C3: variants seen among roughly 807,000 people sequenced by gnomAD.
C3 encodes complement C3, also known as C3 and PZP-like alpha-2-macroglobulin domain-containing protein 1.
C3 carries 97 observed loss-of-function variants against 207.9 expected under a neutral mutation model. The observed-to-expected ratio is 0.47, with a 90% confidence interval of 0.40 to 0.55. The LOEUF is 0.55. Among genes scored for constraint, C3 ranks in the 20% least tolerant of loss-of-function variants. C3 has a pLI of 0.00. For missense variants in C3, 1,684 were observed against 2,171.7 expected (o/e 0.78, Z 4.46); for synonymous variants, 848 against 857.6 (o/e 0.99, Z 0.20).
chr19:6,713,135 T>C, intron 9 of C3, 54 bp downstream of exon 9: 2 of 1,608,764 alleles, frequency 1.2e-6, no homozygotes, highest in South Asian at 1.1e-5. Context: ...TGGTCTCCCC[T>C]CTCAGACCGG....
At position 6,681,973 on chromosome 19, in the gene C3, CGGAGA is replaced by C; in HGVS notation, c.4313_4317del (p.Phe1438Ter). On this transcript the variant is annotated frameshift_variant, in exon 35 of 41. Transcript: ENST00000245907. LOFTEE classifies it high-confidence loss of function. ...AGGTAGATGATGAGGGTGTTCCTAT[CGGAGA>C]AGGCTTTGTCCAGCTCATACTTGGA... 6.2e-7 allele frequency: 1 copy of C among 1,614,064 alleles called. No homozygotes were observed. The highest frequency in any genetic ancestry group is 8.5e-7 in the Non-Finnish European group (1 of 1,179,954).
At chr19:6,697,061 T>TAAAAAAAA (rs1344751717) in intron 21 of C3, among the ~76,000 whole-genome samples, 2 of 76,536 alleles carry the variant, frequency 2.6e-5, no homozygotes, top group Non-Finnish European at 5.2e-5. Flanking sequence ...AACAAACAAA[T>TAAAAAAAA]AAATAAATAA....
chr19:6,705,258 C>T (rs1967749211), intron 17 of C3, among the ~76,000 whole-genome samples: 1 of 152,152 alleles, frequency 6.6e-6, no homozygotes, highest in South Asian at 2.1e-4. Context: ...CCCAGTGACC[C>T]TCACACTATC....
chr19:6,701,285 C>A (rs1967667490), intron 19 of C3, among the ~76,000 whole-genome samples: 1 of 152,134 alleles, frequency 6.6e-6, no homozygotes, highest in Non-Finnish European at 1.5e-5. Context: ...AAAAAACACA[C>A]CTCTGGGTGG....
Position 6,682,013 on chromosome 19 carries a change from G to C in C3, c.4278C>G (p.Asp1426Glu). The change falls in exon 35 of 41, where the codon GAC becomes GAG. Residue 1426 changes from aspartate (D) to glutamate (E), a missense_variant. Physicochemically the swap from Asp to Glu is conservative, Grantham distance 45. This residue lies in a region of C3 where 346 missense variants were observed against 380.1 expected (regional missense o/e 0.91). Coordinates refer to ENST00000245907, the MANE Select transcript of C3 (RefSeq NM_000064.4). The stretch of plus-strand genomic sequence containing the variant: ...CCAGCTCATACTTGGAGATGTATCT[G>C]TCAACACCATTGGCCAGCTGGGGAA... ...DDLKQLANGV[D>E]RYISKYELDK... 1.9e-6 allele frequency: 3 copies of C among 1,614,062 alleles called. No homozygotes were observed. Among genetic ancestry groups the C allele is most frequent in the Non-Finnish European group, 2.5e-6 (3 of 1,179,908 alleles).
chr19:6,718,136 G>C lies in C3; in HGVS notation c.462C>G (p.His154Gln). ...CCGTCCGGCCCACGGGTAGCAGCTT[G>C]TGGTTGACGGTGAAGATCCGATAGA... ...TVLYRIFTVN[H>Q]KLLPVGRTVM... Residue 154 changes from histidine to glutamine, a missense_variant, in exon 4 of 41, where the codon CAC (histidine) becomes CAG (glutamine). This residue lies in a region of C3 where 1,280 missense variants were observed against 1,739.1 expected (regional missense o/e 0.74). Transcript: ENST00000245907. The C allele has an allele frequency of 6.2e-7, 1 of 1,614,184 alleles. No homozygotes were observed. Among genetic ancestry groups the C allele is most frequent in the Non-Finnish European group, 8.5e-7 (1 of 1,180,036 alleles).
chr19:6,679,357 G>T, intron 37 of C3, 50 bp downstream of exon 37: 1 of 1,495,814 alleles, frequency 6.7e-7, no homozygotes. Context: ...GATGACCTGG[G>T]TAAGTGTGGC....
rs560720696 is a variant in C3 at position 6,714,862 on chromosome 19, G to A, written c.505-416C>T. Among the ~76,000 whole-genome samples the A allele has an allele frequency of 2.4e-4, 37 of 151,592 alleles. No homozygotes were observed. The East Asian group carries it at 3.9e-3, about 16-fold the overall frequency. On this transcript the variant is annotated intron_variant, in intron 4 of 40. Transcript: ENST00000245907. ...GGGAGACAGAGTGAGAGTCTGTCTC[G>A]AAAAAAAGAACAAGGACCGGAGTCA...
At chr19:6,687,190 G>C (rs1186419650) in intron 27 of C3, among the ~76,000 whole-genome samples, 1 of 144,354 alleles carries the variant, frequency 6.9e-6, no homozygotes, top group Non-Finnish European at 1.5e-5. Context: ...GGTTTATAAT[G>C]ATTTACAATT....
intron 21 of C3, 132 bp downstream of exon 21, chr19:6,697,212 C>T: frequency 1.3e-6 from 1 of 751,282 alleles, no homozygotes; most frequent in Non-Finnish European, 2.3e-6. Context: ...AATTCTGGGA[C>T]TTCCAAATTT....
intron 7 of C3, 44 bp from the exon 8 acceptor site, chr19:6,713,553 G>A: frequency 7.0e-7 from 1 of 1,429,836 alleles, no homozygotes; most frequent in Middle Eastern, 1.7e-4. Context: ...CCCTCCTGGA[G>A]AATGGGATCT....
chr19:6,720,314 T>C (rs11569396), intron 1 of C3, among the ~76,000 whole-genome samples: 65 of 142,520 alleles, frequency 4.6e-4, no homozygotes, highest in African/African-American at 1.8e-3. Flanking sequence ...TCCAATTCCA[T>C]GATACCTGGA....
At chr19:6,696,142 G>A (rs11569487) in intron 23 of C3, among the ~76,000 whole-genome samples, 2,002 of 151,078 alleles carry the variant, frequency 0.013, 39 homozygotes, top group African/African-American at 0.046. Flanking sequence ...CCCGGGAGGC[G>A]GAGCTTGCAG....
At chr19:6,693,118 TGAG>T in intron 25 of C3, 35 bp from the exon 26 acceptor site, 1 of 1,610,522 alleles carries the variant, frequency 6.2e-7, no homozygotes, top group South Asian at 1.1e-5. Flanking sequence ...CAATCGGCTC[TGAG>T]ATCCAGAGAC....
At chr19:6,709,035 C>T (rs970295945) in intron 14 of C3, among the ~76,000 whole-genome samples, 2 of 152,184 alleles carry the variant, frequency 1.3e-5, no homozygotes, top group Non-Finnish European at 2.9e-5. Context: ...ATCTGCATTC[C>T]CATCCTCACT....
At chr19:6,710,561 GA>G in intron 13 of C3, 77 bp downstream of exon 13, 1 of 1,100,458 alleles carries the variant, frequency 9.1e-7, no homozygotes, top group Non-Finnish European at 1.4e-6. Flanking sequence ...GAGAGAGAGA[GA>G]GAGGAGACAG....
At chr19:6,708,599 A>ACTCC (rs533177377) in intron 14 of C3, among the ~76,000 whole-genome samples, 39 of 74,982 alleles carry the variant, frequency 5.2e-4, no homozygotes, top group African/African-American at 1.9e-3. Context: ...TTCATTCTTC[A>ACTCC]CTCCCTCCCT....
chr19:6,697,870 T>G, intron 19 of C3, 76 bp from the exon 20 acceptor site: 2 of 1,461,646 alleles, frequency 1.4e-6, no homozygotes, highest in Non-Finnish European at 1.9e-6. Context: ...TCTCAGCTCT[T>G]AGTCCACTCC....
intron 21 of C3, 97 bp downstream of exon 21, chr19:6,697,247 A>G (rs1967558222): frequency 1.1e-6 from 1 of 891,016 alleles, no homozygotes; most frequent in African/African-American, 1.6e-5. Flanking sequence ...TATGATTCTT[A>G]GTGTCTCAGA....
Sources: allele counts gnomAD v4.1 joint callset (sites outside exome capture counted in the v4.1 genomes callset), GRCh38; gene constraint gnomAD v4.1.1; regional missense constraint gnomAD v4.1.1; transcripts MANE v1.5; gene names NCBI Gene and HGNC (gene_info 2026-07-23, HGNC 2026-07-21).